Variants in SH3D19 observed in about 807,000 individuals in gnomAD.
SH3D19 encodes SH3 domain-containing protein 19.
Under a neutral mutation model 112.1 loss-of-function variants are expected in SH3D19, and 58 were observed. The observed-to-expected ratio is 0.52, with a 90% CI of 0.42 to 0.64. The LOEUF (loss-of-function observed/expected upper bound fraction) is 0.64. SH3D19 is among the 30% of genes least tolerant of loss of function. The probability of loss-of-function intolerance (pLI) is 0.00; values close to 1 mark genes in which losing one functional copy is unlikely to be tolerated. For synonymous variants in SH3D19, 391 were observed against 448.5 expected, an observed-to-expected ratio of 0.87 and a Z score of 1.62; for missense variants, 1,090 against 1,263.4, an observed-to-expected ratio of 0.86 and a Z score of 2.08.
At chr4:151,173,828 C>A (rs772787389) in intron 7 of SH3D19, among the ~76,000 whole-genome samples, 3 of 152,312 alleles carry the variant, frequency 2.0e-5, no homozygotes, top group Non-Finnish European at 2.9e-5. Context: ...TTTGAAAATT[C>A]TATTAAGTTT....
At chr4:151,302,992 T>G (rs1276908711) in intron 1 of SH3D19, among the ~76,000 whole-genome samples, 4 of 152,038 alleles carry the variant, frequency 2.6e-5, no homozygotes, top group Admixed American at 1.3e-4. Flanking sequence ...GTTGTGCACA[T>G]GTACCCCAGA....
intron 7 of SH3D19, among the ~76,000 whole-genome samples, chr4:151,171,062 T>C (rs187649361): frequency 2.2e-4 from 33 of 152,360 alleles, no homozygotes; most frequent in Admixed American, 1.4e-3. Flanking sequence ...TCCATTGTTA[T>C]GGATGTACTA....
At chr4:151,322,500 CAAAAAA>C (rs11420449) in intron 1 of SH3D19, among the ~76,000 whole-genome samples, 2 of 122,642 alleles carry the variant, frequency 1.6e-5, no homozygotes, top group Admixed American at 1.8e-4. Context: ...ATAATTCTGC[CAAAAAA>C]AAAAAAAAAA....
At chr4:151,215,975 C>T (rs901153944) in intron 2 of SH3D19, among the ~76,000 whole-genome samples, 3 of 152,050 alleles carry the variant, frequency 2.0e-5, no homozygotes, top group South Asian at 2.1e-4. Flanking sequence ...GGATTACAGG[C>T]GCATGCCACC....
intron 7 of SH3D19, among the ~76,000 whole-genome samples, chr4:151,169,667 T>C (rs1468782005): frequency 1.3e-5 from 2 of 152,210 alleles, no homozygotes; most frequent in African/African-American, 4.8e-5. Flanking sequence ...CACCTCATAT[T>C]GGGGTACTCC....
At chr4:151,273,850 G>A (rs1015649492) in intron 1 of SH3D19, among the ~76,000 whole-genome samples, 1 of 152,184 alleles carries the variant, frequency 6.6e-6, no homozygotes, top group Non-Finnish European at 1.5e-5. Flanking sequence ...AAAATTGTCT[G>A]TGAATACCAT....
chr4:151,299,976 C>G (rs1039037899), intron 1 of SH3D19, among the ~76,000 whole-genome samples: 2 of 152,114 alleles, frequency 1.3e-5, no homozygotes, highest in African/African-American at 4.8e-5. Flanking sequence ...CCAAGGCGGG[C>G]AGATCACCTG....
intron 1 of SH3D19, among the ~76,000 whole-genome samples, chr4:151,230,455 T>A (rs891305890): frequency 6.6e-6 from 1 of 152,080 alleles, no homozygotes; most frequent in African/African-American, 2.4e-5. Context: ...CAAACCCCAT[T>A]GGGTAGGGAC....
intron 1 of SH3D19, among the ~76,000 whole-genome samples, chr4:151,252,549 A>T (rs1441266777): frequency 6.6e-6 from 1 of 152,146 alleles, no homozygotes; most frequent in Non-Finnish European, 1.5e-5. Flanking sequence ...CTTAGCATTC[A>T]CAGTGGGCTT....
At chr4:151,296,044 AAAAGAAAGAAAG>A (rs1336742772) in intron 1 of SH3D19, among the ~76,000 whole-genome samples, 12 of 150,844 alleles carry the variant, frequency 8.0e-5, no homozygotes, top group African/African-American at 3.0e-4. Context: ...CAAAAAAAAA[AAAAGAAAGAAAG>A]AAAGAAAGAA....
intron 1 of SH3D19, among the ~76,000 whole-genome samples, chr4:151,291,992 T>C (rs574971433): frequency 1.3e-5 from 2 of 150,880 alleles, no homozygotes; most frequent in Admixed American, 6.6e-5. Flanking sequence ...TAAGGAGCAG[T>C]AAAAAAAGAA....
chr4:151,175,184 A>C lies in SH3D19; in HGVS notation c.1020T>G (p.Ala340=), dbSNP rs530371083. Residue 340 remains alanine, a synonymous_variant, in exon 7 of 20, where the codon GCT becomes GCG. Coordinates refer to ENST00000604030, the MANE Select transcript of SH3D19 (RefSeq NM_001378122.1). ...CCCACTCTCCAGAAGCTCTGTTAGC[A>C]GCTGGTTTGGGAGCTACAGAAGGTT... ...SGKPSVAPKP[A]ANRASGEWDS... 1.1e-5 allele frequency: 18 copies of C among 1,614,152 alleles called. No homozygotes were observed. The African/African-American group carries it at 2.0e-4, about 18-fold the overall frequency.
intron 1 of SH3D19, among the ~76,000 whole-genome samples, chr4:151,236,612 G>A (rs1293291972): frequency 2.6e-5 from 4 of 151,796 alleles, no homozygotes; most frequent in Non-Finnish European, 5.9e-5. Flanking sequence ...TCTGTGTCTA[G>A]CTAATCTGGT....
chr4:151,239,555 A>G (rs1561392838), intron 1 of SH3D19, among the ~76,000 whole-genome samples: 3 of 152,202 alleles, frequency 2.0e-5, no homozygotes, highest in South Asian at 4.1e-4. Flanking sequence ...CATAATATTC[A>G]TGTAATGAAA....
At chr4:151,300,980 G>A (rs973432601) in intron 1 of SH3D19, among the ~76,000 whole-genome samples, 1 of 152,190 alleles carries the variant, frequency 6.6e-6, no homozygotes, top group Admixed American at 6.5e-5. Context: ...TTCTGGCTTG[G>A]GCAACTTGTG....
chr4:151,314,834 G>C (rs1678217551), intron 1 of SH3D19, among the ~76,000 whole-genome samples: 1 of 152,150 alleles, frequency 6.6e-6, no homozygotes, highest in Non-Finnish European at 1.5e-5. Flanking sequence ...CAACCTCAAA[G>C]TAACCTCATG....
At chr4:151,221,884 A>C (rs1463676605) in intron 2 of SH3D19, among the ~76,000 whole-genome samples, 2 of 152,344 alleles carry the variant, frequency 1.3e-5, no homozygotes, top group African/African-American at 4.8e-5. Context: ...TTGGGAGTGT[A>C]AGTCCACAAC....
At chr4:151,270,806 T>G (rs1773177074) in intron 1 of SH3D19, among the ~76,000 whole-genome samples, 1 of 152,226 alleles carries the variant, frequency 6.6e-6, no homozygotes, top group South Asian at 2.1e-4. Context: ...ACTTACTGAT[T>G]TGTGAAACAA....
rs1173668631 is a variant in SH3D19 at position 151,174,729 on chromosome 4, ACAT to A, written c.1472_1474del (p.Asp491del). The A allele has an allele frequency of 1.5e-5, 22 of 1,516,538 alleles. No homozygotes were observed. The highest frequency in any genetic ancestry group is 1.6e-5 in the Non-Finnish European group (18 of 1,134,436). The allele number at this position is 1,516,538 out of a possible 1,614,324, so 93.9% of individuals were successfully genotyped here. Reference sequence around the variant, plus strand: ...CAGGTTCCCCGATGGGGTGGGCAAAACATCATCATCAAAGCTGATGAGATCGAT... The same window carrying A: ...CAGGTTCCCCGATGGGGTGGGCAAAACATCATCAAAGCTGATGAGATCGAT... On this transcript the variant is annotated inframe_deletion, in exon 7 of 20. Coordinates refer to ENST00000604030, the MANE Select transcript of SH3D19 (RefSeq NM_001378122.1).
Sources: allele counts gnomAD v4.1 joint callset (sites outside exome capture counted in the v4.1 genomes callset), GRCh38; gene constraint gnomAD v4.1.1; transcripts MANE v1.5; gene names NCBI Gene and HGNC (gene_info 2026-07-23, HGNC 2026-07-21).